PIBF1: variants seen among roughly 807,000 people sequenced by gnomAD.
PIBF1 encodes progesterone-induced-blocking factor 1.
Under a neutral mutation model 112.5 loss-of-function variants are expected in PIBF1, and 90 were observed. The observed-to-expected ratio is 0.80, with a 90% CI of 0.67 to 0.95. The LOEUF (loss-of-function observed/expected upper bound fraction) is 0.95, where lower values mean the gene tolerates loss of function less well. PIBF1 is among the 40% of genes least tolerant of loss of function. The probability of loss-of-function intolerance (pLI) is 0.00; values close to 1 mark genes in which losing one functional copy is unlikely to be tolerated. For missense variants in PIBF1, 915 were observed against 852.3 expected, an observed-to-expected ratio of 1.07 and a Z score of -0.92; for synonymous variants, 301 against 288.6, an observed-to-expected ratio of 1.04 and a Z score of -0.44.
At chr13:72,981,775 TC>T (rs1270346721) in intron 16 of PIBF1, among the ~76,000 whole-genome samples, 15 of 152,216 alleles carry the variant, frequency 9.9e-5, no homozygotes, top group African/African-American at 3.6e-4. Context: ...ACTAGACTGA[TC>T]CAGAATTACA....
intron 14 of PIBF1, among the ~76,000 whole-genome samples, chr13:72,935,147 G>A (rs533797605): frequency 2.0e-5 from 3 of 152,090 alleles, no homozygotes; most frequent in South Asian, 2.1e-4. Context: ...CACCATTCCC[G>A]GATAATTTTT....
chr13:72,811,246 TG>T (rs1326478582), intron 5 of PIBF1, among the ~76,000 whole-genome samples: 1 of 152,230 alleles, frequency 6.6e-6, no homozygotes, highest in African/African-American at 2.4e-5. Context: ...AAGCTATTTT[TG>T]TTAACTTATT....
chr13:73,002,310 C>G (rs1319195559), intron 17 of PIBF1, among the ~76,000 whole-genome samples: 1 of 152,132 alleles, frequency 6.6e-6, no homozygotes, highest in Non-Finnish European at 1.5e-5. Context: ...AAAGCTTCAC[C>G]TCCCATGACT....
intron 5 of PIBF1, among the ~76,000 whole-genome samples, chr13:72,812,430 T>TA (rs1377373336): frequency 1.3e-5 from 2 of 151,924 alleles, no homozygotes; most frequent in Admixed American, 6.6e-5. Context: ...GATCACAGTT[T>TA]AAAAAAACAG....
rs761556628 is a variant in PIBF1, at chr13:72,854,096, G to A, written c.1263G>A (p.Lys421=). 2.5e-6 allele frequency: 4 copies of A among 1,613,440 alleles called. No homozygotes were observed. Among genetic ancestry groups the A allele is most frequent in the Admixed American group, 3.3e-5 (2 of 60,004 alleles). ...CAAGGGATAATGCTGTGGCTGAAAA[G>A]GAACGAGCAGTGATGGCTGAAAAGG... The part of the protein sequence containing the change: ...REARDNAVAE[K]ERAVMAEKDA... The change falls in exon 10 of 18, where the codon AAG becomes AAA. Residue 421 remains lysine, a synonymous_variant. Transcript: ENST00000326291.
chr13:73,008,751 A>G (rs2044112439), intron 17 of PIBF1, among the ~76,000 whole-genome samples: 1 of 152,246 alleles, frequency 6.6e-6, no homozygotes, highest in Non-Finnish European at 1.5e-5. Flanking sequence ...ATAAATGGCT[A>G]GAACCTGTGC....
At chr13:73,013,216 G>T (rs111855176) in intron 17 of PIBF1, among the ~76,000 whole-genome samples, 1 of 150,146 alleles carries the variant, frequency 6.7e-6, no homozygotes, top group Non-Finnish European at 1.5e-5. Context: ...CAGGAGAATG[G>T]CGTGAACCCG....
intron 14 of PIBF1, among the ~76,000 whole-genome samples, chr13:72,960,791 A>G (rs187040131): frequency 1.3e-5 from 2 of 152,330 alleles, no homozygotes; most frequent in African/African-American, 4.8e-5. Flanking sequence ...AGTAGAACTT[A>G]GTTTTATTTT....
At chr13:73,009,186 G>T (rs1365640245) in intron 17 of PIBF1, among the ~76,000 whole-genome samples, 1 of 152,216 alleles carries the variant, frequency 6.6e-6, no homozygotes, top group East Asian at 1.9e-4. Flanking sequence ...TTCCAAAGGA[G>T]TTTTTCCCTA....
intron 6 of PIBF1, among the ~76,000 whole-genome samples, chr13:72,823,291 A>G (rs1347157053): frequency 1.3e-5 from 2 of 152,174 alleles, no homozygotes; most frequent in African/African-American, 4.8e-5. Context: ...AAGATGAGTC[A>G]TGAGTTGATA....
intron 14 of PIBF1, among the ~76,000 whole-genome samples, chr13:72,942,347 A>G (rs1240686679): frequency 1.3e-5 from 2 of 151,542 alleles, no homozygotes; most frequent in East Asian, 1.9e-4. Flanking sequence ...CTGTGATACA[A>G]TGCTTTGCTA....
intron 5 of PIBF1, among the ~76,000 whole-genome samples, chr13:72,820,416 C>T (rs912675763): frequency 2.6e-5 from 4 of 152,086 alleles, no homozygotes; most frequent in Admixed American, 6.6e-5. Flanking sequence ...GAGGTGATAG[C>T]GTATCCTCAG....
chr13:72,877,967 T>G (rs2039477351), intron 10 of PIBF1, among the ~76,000 whole-genome samples: 1 of 152,116 alleles, frequency 6.6e-6, no homozygotes, highest in Non-Finnish European at 1.5e-5. Flanking sequence ...CAGGCTGGTC[T>G]TGAACTCCCA....
At chr13:72,846,882 G>T (rs1433921625) in intron 9 of PIBF1, among the ~76,000 whole-genome samples, 2 of 152,100 alleles carry the variant, frequency 1.3e-5, no homozygotes, top group Non-Finnish European at 2.9e-5. Flanking sequence ...AGGTACCAGT[G>T]CCTGGTACGC....
At chr13:72,902,004 A>T (rs61967091) in intron 11 of PIBF1, among the ~76,000 whole-genome samples, 2 of 31,364 alleles carry the variant, frequency 6.4e-5, no homozygotes, top group South Asian at 3.0e-3. Context: ...GTGTGTATGT[A>T]TATGTGTGTG....
At chr13:73,013,459 C>A (rs1281784058) in intron 17 of PIBF1, among the ~76,000 whole-genome samples, 1 of 150,570 alleles carries the variant, frequency 6.6e-6, no homozygotes, top group Non-Finnish European at 1.5e-5. Context: ...AAGAAAAAAA[C>A]AAAAAACGAA....
At chr13:72,932,671 T>A (rs2041747633) in intron 14 of PIBF1, among the ~76,000 whole-genome samples, 1 of 152,186 alleles carries the variant, frequency 6.6e-6, no homozygotes, top group African/African-American at 2.4e-5. Context: ...TACTTAATGT[T>A]TGCACCATAC....
intron 14 of PIBF1, among the ~76,000 whole-genome samples, chr13:72,955,013 G>GA (rs2042403913): frequency 6.6e-6 from 1 of 152,226 alleles, no homozygotes; most frequent in African/African-American, 2.4e-5. Context: ...GAGCAATGGA[G>GA]ATAGGACCTG....
chr13:72,928,547 C>G (rs1458990641), intron 13 of PIBF1, among the ~76,000 whole-genome samples: 1 of 152,178 alleles, frequency 6.6e-6, no homozygotes, highest in Admixed American at 6.5e-5. Context: ...TCAAGCGATT[C>G]TCCTGCCTCA....
Sources: gnomAD v4.1 joint callset for allele counts (sites outside exome capture counted in the v4.1 genomes callset) on GRCh38, gnomAD v4.1.1 for gene constraint, MANE v1.5 for transcripts, NCBI Gene and HGNC (gene_info 2026-07-23, HGNC 2026-07-21) for gene names.